DGKG: variants seen among roughly 807,000 people sequenced by gnomAD.
DGKG encodes the protein diacylglycerol kinase gamma, also known as DAG kinase gamma.
A neutral mutation model predicts 105.3 loss-of-function variants in DGKG; 78 were observed. The observed-to-expected ratio is 0.74, with a 90% confidence interval of 0.62 to 0.89. DGKG has a LOEUF of 0.89. Among genes scored for constraint, DGKG ranks in the 40% least tolerant of loss-of-function variants. The pLI is 0.00. For synonymous variants in DGKG, 346 were observed against 367.1 expected (o/e 0.94, Z 0.66); for missense variants, 958 against 1,020.1 (o/e 0.94, Z 0.83).
chr3:186,350,005 C>T (rs1726550325), intron 1 of DGKG, among the ~76,000 whole-genome samples: 1 of 152,062 alleles, frequency 6.6e-6, no homozygotes, highest in Non-Finnish European at 1.5e-5. Flanking sequence ...ATGCCTCAGC[C>T]TCCCGAGTAG....
At chr3:186,271,346 C>A (rs1722309007) in intron 11 of DGKG, among the ~76,000 whole-genome samples, 4 of 152,192 alleles carry the variant, frequency 2.6e-5, no homozygotes, top group Admixed American at 2.6e-4. Context: ...TTCCAAATTA[C>A]CTCTCAAGCT....
chr3:186,161,553 G>C, intron 24 of DGKG, 50 bp downstream of exon 24: 1 of 1,613,572 alleles, frequency 6.2e-7, no homozygotes, highest in Non-Finnish European at 8.5e-7. Flanking sequence ...GCCCAAAAGG[G>C]CTCAAAAATA....
At chr3:186,262,124 C>A (rs755743554) in intron 14 of DGKG, among the ~76,000 whole-genome samples, 1 of 152,108 alleles carries the variant, frequency 6.6e-6, no homozygotes, top group Admixed American at 6.5e-5. Context: ...AAAGCACGGC[C>A]GTCTGATCAT....
At position 186,230,259 on chromosome 3, in the gene DGKG, A is replaced by AAAAC. The variant is rs555305452; in HGVS notation, c.1826+12241_1826+12244dup. Among the ~76,000 whole-genome samples the AAAAC allele has an allele frequency of 2.0e-3, 312 of 152,306 alleles. 1 individual carries two copies. The South Asian group carries it at 0.022, about 11-fold the overall frequency. On this transcript the variant is annotated intron_variant, in intron 20 of 24. Coordinates refer to ENST00000265022, the MANE Select transcript of DGKG (RefSeq NM_001346.3). ...GGCAACAGAGCGAGACTCCGTCTCAAAAACAAACAAACAAACAAACAAACA... is the reference window on the plus strand; with the variant it reads ...GGCAACAGAGCGAGACTCCGTCTCAAAAACAAACAAACAAACAAACAAACAAACA...
At chr3:186,331,074 C>CG (rs1471582196) in intron 1 of DGKG, among the ~76,000 whole-genome samples, 1 of 152,156 alleles carries the variant, frequency 6.6e-6, no homozygotes. Flanking sequence ...AAAATACCTT[C>CG]GATGCAAATA....
At chr3:186,224,734 G>GC in intron 20 of DGKG, among the ~76,000 whole-genome samples, 2 of 74,554 alleles carry the variant, frequency 2.7e-5, no homozygotes, top group South Asian at 1.0e-3. Flanking sequence ...ACACCCCCCC[G>GC]CCCCCCAATC....
intron 9 of DGKG, among the ~76,000 whole-genome samples, chr3:186,275,989 T>TATTA (rs1722570045): frequency 7.4e-6 from 1 of 135,230 alleles, no homozygotes; most frequent in Non-Finnish European, 1.7e-5. Context: ...TCTATCTATC[T>TATTA]ATCTATTATC....
intron 2 of DGKG, among the ~76,000 whole-genome samples, chr3:186,309,158 TG>T (rs1293294735): frequency 6.6e-6 from 1 of 151,858 alleles, no homozygotes; most frequent in African/African-American, 2.4e-5. Context: ...AAGATGAAAG[TG>T]GGGTAGGGGT....
chr3:186,297,352 T>G, intron 5 of DGKG, 69 bp downstream of exon 5: 1 of 1,223,566 alleles, frequency 8.2e-7, no homozygotes, highest in South Asian at 1.2e-5. Flanking sequence ...TTGGTTAGGT[T>G]TCCCCACTTC....
At chr3:186,152,961 C>CTTTT (rs10579014) in intron 24 of DGKG, among the ~76,000 whole-genome samples, 7 of 124,502 alleles carry the variant, frequency 5.6e-5, no homozygotes, top group Admixed American at 1.7e-4. Flanking sequence ...CGCGCCCGGC[C>CTTTT]TTTTTTTTTT....
intron 1 of DGKG, among the ~76,000 whole-genome samples, chr3:186,336,191 A>T (rs577770868): frequency 3.3e-5 from 5 of 152,158 alleles, no homozygotes; most frequent in African/African-American, 4.8e-5. Flanking sequence ...TCTCAGTCCA[A>T]CTTCTCCCTT....
intron 2 of DGKG, among the ~76,000 whole-genome samples, chr3:186,308,878 A>G (rs886500414): frequency 6.6e-6 from 1 of 152,208 alleles, no homozygotes; most frequent in Non-Finnish European, 1.5e-5. Context: ...CTTCACCTGC[A>G]TAGTCTCATA....
At chr3:186,232,472 T>G (rs1720199282) in intron 20 of DGKG, among the ~76,000 whole-genome samples, 1 of 152,252 alleles carries the variant, frequency 6.6e-6, no homozygotes, top group Non-Finnish European at 1.5e-5. Context: ...AAAATTAGTT[T>G]AAAAATGATA....
chr3:186,236,949 C>G (rs1382273028), intron 20 of DGKG, among the ~76,000 whole-genome samples: 1 of 152,236 alleles, frequency 6.6e-6, no homozygotes, highest in African/African-American at 2.4e-5. Context: ...TTTCTAGACA[C>G]TCACTGACAG....
chr3:186,209,762 G>T (rs1019761803), intron 21 of DGKG, among the ~76,000 whole-genome samples: 1 of 151,868 alleles, frequency 6.6e-6, no homozygotes, highest in Non-Finnish European at 1.5e-5. Flanking sequence ...CGCCCTGTCC[G>T]TCTCTCTTAG....
At chr3:186,359,357 A>G (rs138760519) in intron 1 of DGKG, among the ~76,000 whole-genome samples, 112 of 152,342 alleles carry the variant, frequency 7.4e-4, no homozygotes, top group Non-Finnish European at 1.1e-3. Context: ...TGCTAAAGAC[A>G]GGAAGCAACT....
At chr3:186,308,070 C>G (rs189180086) in intron 2 of DGKG, among the ~76,000 whole-genome samples, 1 of 152,176 alleles carries the variant, frequency 6.6e-6, no homozygotes, top group East Asian at 1.9e-4. Flanking sequence ...GCCTCCACCC[C>G]CCGCCATGAT....
At chr3:186,262,269 C>T (rs1323627123) in intron 14 of DGKG, among the ~76,000 whole-genome samples, 2 of 152,104 alleles carry the variant, frequency 1.3e-5, no homozygotes, top group South Asian at 2.1e-4. Context: ...GTAGTACTGT[C>T]GACTGGACGT....
intron 13 of DGKG, among the ~76,000 whole-genome samples, chr3:186,267,053 G>A (rs1051311983): frequency 2.6e-5 from 4 of 152,220 alleles, no homozygotes; most frequent in African/African-American, 4.8e-5. Flanking sequence ...AGGCGACAAC[G>A]TGCCAGGTGG....
Sources: gnomAD v4.1 joint callset for allele counts (sites outside exome capture counted in the v4.1 genomes callset) on GRCh38, gnomAD v4.1.1 for gene constraint, MANE v1.5 for transcripts, NCBI Gene and HGNC (gene_info 2026-07-23, HGNC 2026-07-21) for gene names.